The following ZNF679 variants were observed in gnomAD, a reference collection of about 807,000 sequenced individuals.
The protein encoded by ZNF679 is hypothetical protein MGC42415.
A neutral mutation model predicts 13.4 loss-of-function variants in ZNF679; 10 were observed. The observed-to-expected ratio is 0.75, with a 90% confidence interval of 0.46 to 1.27. The LOEUF is 1.27. ZNF679 is among the 50% of genes most tolerant of loss of function. The probability of loss-of-function intolerance (pLI) is 0.00; values close to 1 mark genes in which losing one functional copy is unlikely to be tolerated. For missense variants in ZNF679, 525 were observed against 477.8 expected (o/e 1.10, Z -0.92); for synonymous variants, 179 against 162.5 (o/e 1.10, Z -0.77).
intron 1 of ZNF679, among the ~76,000 whole-genome samples, chr7:64,235,089 C>A (rs1427565313): frequency 6.6e-6 from 1 of 152,170 alleles, no homozygotes. Flanking sequence ...ACACCTGCTT[C>A]AGCCTCCCGA....
intron 1 of ZNF679, 77 bp from the exon 2 acceptor site, chr7:64,248,949 CTG>C (rs1217042362): frequency 2.0e-6 from 2 of 983,690 alleles, no homozygotes; most frequent in East Asian, 2.6e-5. Flanking sequence ...ATATTAGAAA[CTG>C]TACAATCAGG....
chr7:64,258,491 A>G (rs1284576232), intron 2 of ZNF679, among the ~76,000 whole-genome samples: 5 of 151,988 alleles, frequency 3.3e-5, no homozygotes, highest in Non-Finnish European at 7.4e-5. Context: ...TCAAAAGGTC[A>G]GGAGTTCGAG....
At chr7:64,248,886 G>A (rs1043592283) in intron 1 of ZNF679, 142 bp from the exon 2 acceptor site, 247 of 616,794 alleles carry the variant, frequency 4.0e-4, no homozygotes, top group Middle Eastern at 4.5e-4. Context: ...CACATTTTTC[G>A]TCACTCAGGG....
At position 64,233,129 on chromosome 7, in the gene ZNF679, T is replaced by A. The variant is rs1352236282; in HGVS notation, c.-91+4477T>A. ...GGTGGTATGCACCTGTAATCCCAGG[T>A]ACTTGGGAGGCTGAGGCAGGAGAAT... is the stretch of plus-strand genomic sequence containing the variant. On this transcript the variant is annotated intron_variant, in intron 1 of 4. Transcript: ENST00000421025. Among the ~76,000 whole-genome samples, 5 of 151,648 alleles carry A rather than the reference T, an allele frequency of 3.3e-5. No individual in the cohort carries two copies. The East Asian group carries it at 9.8e-4, about 30-fold the overall frequency.
At chr7:64,253,754 T>G (rs1562845265) in intron 2 of ZNF679, among the ~76,000 whole-genome samples, 1 of 152,120 alleles carries the variant, frequency 6.6e-6, no homozygotes, top group Non-Finnish European at 1.5e-5. Flanking sequence ...TGGTATGATA[T>G]AAGGGGGCAA....
In ZNF679 at chr7:64,266,900, A is replaced by C. The variant is rs1788163367; in HGVS notation, c.*31A>C. On this transcript the variant is annotated 3_prime_UTR_variant, in exon 5 of 5. Coordinates refer to ENST00000421025, the MANE Select transcript of ZNF679 (RefSeq NM_153363.3). ...TAAAGTCCAGCCTTCAGACCTTATA[A>C]TACATAAAATAATTTATACTTGAAA... 5 of 1,483,750 alleles carry C rather than the reference A, an allele frequency of 3.4e-6. No individual in the cohort carries two copies. The East Asian group carries it at 1.2e-4, about 37-fold the overall frequency. 91.9% of individuals were successfully genotyped at this position (1,483,750 alleles called of 1,614,324 possible).
At chr7:64,257,942 A>C (rs1478549359) in intron 2 of ZNF679, among the ~76,000 whole-genome samples, 2 of 152,216 alleles carry the variant, frequency 1.3e-5, no homozygotes, top group Non-Finnish European at 2.9e-5. Context: ...AAGCAGGGCC[A>C]AGATTACCAA....
intron 1 of ZNF679, among the ~76,000 whole-genome samples, chr7:64,242,062 C>T (rs1432077045): frequency 6.6e-6 from 1 of 152,172 alleles, no homozygotes; most frequent in Non-Finnish European, 1.5e-5. Flanking sequence ...GCATAACAGC[C>T]CGAACCCCAC....
Position 64,260,103 on chromosome 7 carries a change from G to C in ZNF679, c.40-118G>C, listed in dbSNP as rs547740124. 8.0e-4 allele frequency: 711 copies of C among 890,994 alleles called. 14 individuals are homozygous for C. In the South Asian group the frequency reaches 0.014, roughly 17 times the overall value. The allele number at this position is 890,994 out of a possible 1,614,324, so 55.2% of individuals were successfully genotyped here. Reference sequence around the variant, plus strand: ...TGAATAATTTTAGTCACTCTTATAAGTGAGAAACACTTCTTTTTACTCTCT... The same window carrying C: ...TGAATAATTTTAGTCACTCTTATAACTGAGAAACACTTCTTTTTACTCTCT... On this transcript the variant is annotated intron_variant, in intron 2 of 4. Transcript: ENST00000421025.
chr7:64,245,375 G>C (rs1408857356), intron 1 of ZNF679, among the ~76,000 whole-genome samples: 1 of 150,892 alleles, frequency 6.6e-6, no homozygotes, highest in African/African-American at 2.4e-5. Flanking sequence ...CTTTGGGGAA[G>C]ATGGTGGCCC....
At chr7:64,261,593 C>T (rs1584238115) in intron 4 of ZNF679, among the ~76,000 whole-genome samples, 1 of 151,908 alleles carries the variant, frequency 6.6e-6, no homozygotes, top group Non-Finnish European at 1.5e-5. Context: ...ATTCAAAGAA[C>T]ATTCATATTT....
intron 1 of ZNF679, among the ~76,000 whole-genome samples, chr7:64,247,960 C>G (rs1281985278): frequency 2.0e-5 from 3 of 152,008 alleles, no homozygotes. Flanking sequence ...AAATCTCAGG[C>G]TGCCTGCATG....
At chr7:64,264,860 T>C (rs1173507414) in intron 4 of ZNF679, among the ~76,000 whole-genome samples, 1 of 152,072 alleles carries the variant, frequency 6.6e-6, no homozygotes, top group African/African-American at 2.4e-5. Flanking sequence ...TCCTAGTTTG[T>C]TTAGCTTCTT....
intron 2 of ZNF679, among the ~76,000 whole-genome samples, chr7:64,251,179 C>T (rs760933026): frequency 2.6e-4 from 39 of 152,076 alleles, no homozygotes; most frequent in Admixed American, 9.2e-4. Context: ...AGAGGTCAGG[C>T]GCAGTGGCTC....
At position 64,249,393 on chromosome 7, in the gene ZNF679, T is replaced by C. The variant is rs183037821; in HGVS notation, c.39+237T>C. ...GTGGCTTTGCCCTGGACTGGAGCCC[T>C]CTCTGGGCAGCTCTGCACTCCCAGC... On this transcript the variant is annotated intron_variant, in intron 2 of 4. Coordinates refer to ENST00000421025, the MANE Select transcript of ZNF679 (RefSeq NM_153363.3). Among the ~76,000 whole-genome samples the C allele has an allele frequency of 1.4e-4, 21 of 152,264 alleles. No homozygotes were observed. In the East Asian group the frequency reaches 4.1e-3, roughly 29 times the overall value.
At chr7:64,265,789 T>C in intron 4 of ZNF679, 107 bp from the exon 5 acceptor site, 1 of 1,254,982 alleles carries the variant, frequency 8.0e-7, no homozygotes, top group Non-Finnish European at 1.1e-6. Flanking sequence ...GGTAATTTGA[T>C]ATGCCATTTT....
intron 2 of ZNF679, among the ~76,000 whole-genome samples, chr7:64,251,266 A>G (rs1013724356): frequency 2.0e-5 from 3 of 152,142 alleles, no homozygotes; most frequent in Admixed American, 6.5e-5. Context: ...AGCCTGGCCA[A>G]CATGATGAAA....
intron 1 of ZNF679, among the ~76,000 whole-genome samples, chr7:64,229,537 G>T (rs1787607963): frequency 6.6e-6 from 1 of 152,134 alleles, no homozygotes; most frequent in Non-Finnish European, 1.5e-5. Flanking sequence ...AGGTTTAAGA[G>T]TGATAATCCC....
At chr7:64,237,490 G>A (rs1426277152) in intron 1 of ZNF679, among the ~76,000 whole-genome samples, 1 of 152,192 alleles carries the variant, frequency 6.6e-6, no homozygotes, top group Non-Finnish European at 1.5e-5. Flanking sequence ...GCAACAGCTT[G>A]TGTGCTGAAG....
Sources: gnomAD v4.1 joint callset for allele counts (sites outside exome capture counted in the v4.1 genomes callset) on GRCh38, gnomAD v4.1.1 for gene constraint, MANE v1.5 for transcripts, NCBI Gene and HGNC (gene_info 2026-07-23, HGNC 2026-07-21) for gene names.